ZHX2: variants seen among roughly 807,000 people sequenced by gnomAD.
The protein encoded by ZHX2 is zinc fingers and homeoboxes protein 2.
In ZHX2, 6 loss-of-function variants were observed where a neutral mutation model predicts 21.9. The ratio of observed to expected loss-of-function variants is 0.27; its 90% CI spans 0.15 to 0.54. ZHX2 has a LOEUF of 0.54. ZHX2 is among the 20% of genes least tolerant of loss of function. The probability of loss-of-function intolerance (pLI) is 0.95; values close to 1 mark genes in which losing one functional copy is unlikely to be tolerated. For missense variants in ZHX2, 908 were observed against 1,090.7 expected (o/e 0.83, Z 2.36); for synonymous variants, 434 against 437.1 (o/e 0.99, Z 0.09).
chr8:122,954,075 T>A (rs779910348), intron 3 of ZHX2, 47 bp downstream of exon 3: 19 of 1,482,458 alleles, frequency 1.3e-5, no homozygotes, highest in South Asian at 2.8e-5. Context: ...CGCAGCTTGC[T>A]TTCTTTTCGT....
intron 2 of ZHX2, among the ~76,000 whole-genome samples, chr8:122,871,823 G>A (rs117095283): frequency 6.6e-6 from 1 of 151,036 alleles, no homozygotes; most frequent in Non-Finnish European, 1.5e-5. Context: ...ACTGATTTTA[G>A]GATTAGTGTT....
chr8:122,827,928 C>T (rs1425576694), intron 1 of ZHX2, among the ~76,000 whole-genome samples: 1 of 152,156 alleles, frequency 6.6e-6, no homozygotes, highest in Non-Finnish European at 1.5e-5. Context: ...GCATGGGCAA[C>T]ATGGCGAGAC....
chr8:122,830,738 G>T (rs554740822), intron 1 of ZHX2, among the ~76,000 whole-genome samples: 1 of 152,278 alleles, frequency 6.6e-6, no homozygotes, highest in African/African-American at 2.4e-5. Flanking sequence ...ATTAAGGAGG[G>T]GAGGTAATTA....
chr8:122,970,368 T>A (rs992903797), intron 3 of ZHX2, among the ~76,000 whole-genome samples: 2 of 152,356 alleles, frequency 1.3e-5, no homozygotes, highest in Admixed American at 1.3e-4. Context: ...CTGTTGAGTA[T>A]GCTGCATGGG....
chr8:122,954,018 G>T lies in ZHX2; in HGVS notation c.2508G>T (p.Gln836His). Residue 836 changes from glutamine to histidine, a missense_variant, in exon 3 of 4, where the codon CAG becomes CAT. By Grantham distance (24) the Gln-to-His change is conservative. Coordinates refer to ENST00000314393, the MANE Select transcript of ZHX2 (RefSeq NM_014943.5). The part of the protein sequence containing the change: ...DSDCVPAEAG[Q>H]A ...ACTGCGTCCCTGCAGAGGCTGGCCAGGCCTAGACAGGTAATTCCACCTGCT... is the reference window on the plus strand; with the variant it reads ...ACTGCGTCCCTGCAGAGGCTGGCCATGCCTAGACAGGTAATTCCACCTGCT... 1 of 1,581,358 alleles carries T rather than the reference G, an allele frequency of 6.3e-7. No homozygotes were observed. The highest frequency in any genetic ancestry group is 1.2e-5 in the South Asian group (1 of 86,216).
At chr8:122,790,608 G>T (rs537966435) in intron 1 of ZHX2, among the ~76,000 whole-genome samples, 15 of 152,132 alleles carry the variant, frequency 9.9e-5, no homozygotes, top group East Asian at 9.7e-4. Flanking sequence ...TTTGTTTTTT[G>T]TTGTTGTTGT....
In ZHX2 at chr8:122,953,358, G is replaced by A; in HGVS notation, c.1848G>A (p.Gln616=). 6.2e-7 allele frequency: 1 copy of A among 1,614,110 alleles called. No individual in the cohort carries two copies. The change falls in exon 3 of 4, where the codon CAG becomes CAA. Residue 616 remains glutamine (Q), a synonymous_variant. Coordinates refer to ENST00000314393, the MANE Select transcript of ZHX2 (RefSeq NM_014943.5). The surrounding 1 kb of genome is among the most constrained non-coding windows in gnomAD (Gnocchi z 4.6). The part of the protein sequence containing the change: ...APNGALSRLD[Q]LSGAQLTSSL... ...ATGGTGCTCTGTCTCGACTCGACCA[G>A]CTCTCCGGTGCCCAGTTAACAAGTT...
At chr8:122,848,093 A>G (rs889809881) in intron 1 of ZHX2, among the ~76,000 whole-genome samples, 4 of 152,192 alleles carry the variant, frequency 2.6e-5, no homozygotes, top group Non-Finnish European at 4.4e-5. Context: ...TTGAGTGAGC[A>G]TGTTTACATT....
chr8:122,813,021 C>A (rs993945968), intron 1 of ZHX2, among the ~76,000 whole-genome samples: 3 of 152,072 alleles, frequency 2.0e-5, no homozygotes, highest in Non-Finnish European at 2.9e-5. Context: ...CATGGAGAAA[C>A]CCCATCTCTA....
intron 2 of ZHX2, among the ~76,000 whole-genome samples, chr8:122,868,848 A>G (rs1474514886): frequency 6.6e-6 from 1 of 152,172 alleles, no homozygotes; most frequent in African/African-American, 2.4e-5. Flanking sequence ...CAACAGTGAG[A>G]CCCTATATTG....
At chr8:122,917,203 A>G (rs1343503638) in intron 2 of ZHX2, among the ~76,000 whole-genome samples, 1 of 152,052 alleles carries the variant, frequency 6.6e-6, no homozygotes, top group Admixed American at 6.6e-5. Context: ...CAAGCGGATC[A>G]CAGTCAGCCC....
intron 2 of ZHX2, among the ~76,000 whole-genome samples, chr8:122,906,116 C>A (rs975048878): frequency 3.3e-5 from 5 of 152,056 alleles, no homozygotes; most frequent in Non-Finnish European, 7.3e-5. Context: ...TATTATAAAC[C>A]CCAAACTATG....
intron 3 of ZHX2, among the ~76,000 whole-genome samples, chr8:122,957,015 G>A (rs1813321320): frequency 6.6e-6 from 1 of 152,230 alleles, no homozygotes; most frequent in Non-Finnish European, 1.5e-5. Flanking sequence ...CTTTGGGGAG[G>A]AAGGATGGAA....
intron 1 of ZHX2, among the ~76,000 whole-genome samples, chr8:122,790,374 C>T (rs1188197457): frequency 2.0e-5 from 3 of 152,180 alleles, no homozygotes; most frequent in Non-Finnish European, 4.4e-5. Context: ...CTCATCACAG[C>T]ACCTTCCCTC....
At chr8:122,945,462 A>G (rs926607036) in intron 2 of ZHX2, among the ~76,000 whole-genome samples, 1 of 142,414 alleles carries the variant, frequency 7.0e-6, no homozygotes, top group African/African-American at 2.6e-5. Flanking sequence ...AAAAAAAAAA[A>G]AGGCATGTAT....
intron 2 of ZHX2, among the ~76,000 whole-genome samples, chr8:122,875,269 G>T (rs10097365): frequency 0.8 from 119,274 of 148,290 alleles, 48,414 homozygotes; most frequent in African/African-American, 0.92. Flanking sequence ...ACTATGCCTG[G>T]CTCTGTGTGG....
intron 2 of ZHX2, among the ~76,000 whole-genome samples, chr8:122,880,312 AC>A (rs1478202798): frequency 2.6e-5 from 4 of 151,994 alleles, no homozygotes; most frequent in African/African-American, 4.8e-5. Context: ...GAGGCTGGTG[AC>A]ACGGAGTGAC....
chr8:122,918,117 G>A (rs916949289), intron 2 of ZHX2, among the ~76,000 whole-genome samples: 2 of 152,158 alleles, frequency 1.3e-5, no homozygotes, highest in Non-Finnish European at 2.9e-5. Flanking sequence ...ACCATTCTAA[G>A]TGCCTCTTAT....
chr8:122,835,963 T>C (rs527376831), intron 1 of ZHX2, among the ~76,000 whole-genome samples: 1 of 151,578 alleles, frequency 6.6e-6, no homozygotes, highest in South Asian at 2.1e-4. Context: ...AGGCCTAAGG[T>C]TTTTAGGGTT....
Sources: gnomAD v4.1 joint callset for allele counts (sites outside exome capture counted in the v4.1 genomes callset) on GRCh38, gnomAD v4.1.1 for gene constraint, Gnocchi (gnomAD v3.1) non-coding constraint, MANE v1.5 for transcripts, NCBI Gene and HGNC (gene_info 2026-07-23, HGNC 2026-07-21) for gene names.